Variants in KIAA1328 observed in about 807,000 individuals in gnomAD.
KIAA1328 encodes the protein KIAA1328.
A neutral mutation model predicts 68.1 loss-of-function variants in KIAA1328; 52 were observed. That is an observed-to-expected ratio of 0.76 (90% CI 0.61 to 0.96). KIAA1328 has a LOEUF of 0.96. Among genes scored for constraint, KIAA1328 ranks in the 40% least tolerant of loss-of-function variants. The probability of loss-of-function intolerance (pLI) is 0.00; values close to 1 mark genes in which losing one functional copy is unlikely to be tolerated. For missense variants in KIAA1328, 641 were observed against 677.6 expected (o/e 0.95, Z 0.60); for synonymous variants, 232 against 239.4 (o/e 0.97, Z 0.28).
At chr18:36,979,670 A>G (rs11081979) in intron 6 of KIAA1328, among the ~76,000 whole-genome samples, 3,974 of 152,306 alleles carry the variant, frequency 0.026, 66 homozygotes, top group Non-Finnish European at 0.039. Context: ...GTTTGGTAGC[A>G]ACCATAACAA....
intron 7 of KIAA1328, among the ~76,000 whole-genome samples, chr18:37,116,836 C>T (rs900733523): frequency 1.3e-5 from 2 of 152,056 alleles, no homozygotes; most frequent in Non-Finnish European, 2.9e-5. Flanking sequence ...ACAACTCCAT[C>T]AAAAGTGGGT....
At chr18:37,168,992 G>C (rs1013170994) in intron 8 of KIAA1328, among the ~76,000 whole-genome samples, 1 of 151,750 alleles carries the variant, frequency 6.6e-6, no homozygotes, top group Non-Finnish European at 1.5e-5. Context: ...ATCTAAATAG[G>C]ACATGATCCA....
chr18:37,092,873 T>C (rs1568393659), intron 7 of KIAA1328, among the ~76,000 whole-genome samples: 1 of 152,134 alleles, frequency 6.6e-6, no homozygotes, highest in East Asian at 1.9e-4. Flanking sequence ...AACAAGCCAC[T>C]TGGATGCTCG....
chr18:36,966,153 T>C (rs2051927150), intron 6 of KIAA1328, among the ~76,000 whole-genome samples: 1 of 152,188 alleles, frequency 6.6e-6, no homozygotes, highest in Non-Finnish European at 1.5e-5. Context: ...AAAAGGAAAC[T>C]GTGGCAATCA....
At chr18:37,194,700 G>A (rs558390730) in intron 9 of KIAA1328, among the ~76,000 whole-genome samples, 18 of 151,988 alleles carry the variant, frequency 1.2e-4, no homozygotes, top group Non-Finnish European at 2.1e-4. Context: ...AGTCTCTGTC[G>A]CCCAGGCTGG....
chr18:37,179,129 A>G (rs2059651466), intron 9 of KIAA1328, among the ~76,000 whole-genome samples: 1 of 152,172 alleles, frequency 6.6e-6, no homozygotes, highest in African/African-American at 2.4e-5. Context: ...GGCTATATCC[A>G]GGAAAGCATT....
intron 6 of KIAA1328, among the ~76,000 whole-genome samples, chr18:36,961,917 A>G (rs1435644039): frequency 6.6e-6 from 1 of 152,234 alleles, no homozygotes; most frequent in East Asian, 1.9e-4. Context: ...TTATTGGGAA[A>G]AATAACCAGT....
intron 4 of KIAA1328, among the ~76,000 whole-genome samples, chr18:36,876,601 T>G (rs2150950570): frequency 6.6e-6 from 1 of 152,320 alleles, no homozygotes; most frequent in African/African-American, 2.4e-5. Flanking sequence ...GTCTATCTAT[T>G]TTGTTAATCT....
chr18:36,901,476 A>G (rs763966116), intron 5 of KIAA1328, among the ~76,000 whole-genome samples: 1 of 152,028 alleles, frequency 6.6e-6, no homozygotes, highest in Non-Finnish European at 1.5e-5. Context: ...TGTCAGTCAG[A>G]TGTCTGGAAA....
chr18:36,987,486 A>T (rs1193629795), intron 6 of KIAA1328, among the ~76,000 whole-genome samples: 1 of 67,202 alleles, frequency 1.5e-5, no homozygotes, highest in East Asian at 4.6e-4. Flanking sequence ...AGAGTATAAT[A>T]AAAAAAAATA....
chr18:36,915,052 A>G (rs996772784), intron 5 of KIAA1328, among the ~76,000 whole-genome samples: 2 of 152,224 alleles, frequency 1.3e-5, no homozygotes, highest in African/African-American at 4.8e-5. Context: ...TAAAATCTTT[A>G]TGGAAAGTTA....
At chr18:36,917,070 C>T (rs1376490692) in intron 5 of KIAA1328, among the ~76,000 whole-genome samples, 1 of 152,068 alleles carries the variant, frequency 6.6e-6, no homozygotes, top group Non-Finnish European at 1.5e-5. Flanking sequence ...AATAAAAAAT[C>T]CCTGCTCATA....
At chr18:37,129,888 A>G (rs2058481879) in intron 7 of KIAA1328, among the ~76,000 whole-genome samples, 1 of 152,180 alleles carries the variant, frequency 6.6e-6, no homozygotes, top group Non-Finnish European at 1.5e-5. Flanking sequence ...TGGAGAACGA[A>G]TTTCTTCCTC....
chr18:37,169,605 T>C (rs2059461061), intron 8 of KIAA1328, among the ~76,000 whole-genome samples: 1 of 152,184 alleles, frequency 6.6e-6, no homozygotes, highest in Admixed American at 6.5e-5. Context: ...ATACTTAATA[T>C]TAAATAAAAT....
Position 36,834,351 on chromosome 18 carries a change from T to C in KIAA1328, c.90T>C (p.Val30=). 1 of 1,576,552 alleles carries C rather than the reference T, an allele frequency of 6.3e-7. No homozygotes were observed. Among genetic ancestry groups the C allele is most frequent in the Non-Finnish European group, 8.6e-7 (1 of 1,163,602 alleles). Reference sequence around the variant, plus strand: ...ATGAAGAACAATCAGTAGTATACGTTCCAGGTATGATTTTCTATGTTAAAA... The same window carrying C: ...ATGAAGAACAATCAGTAGTATACGTCCCAGGTATGATTTTCTATGTTAAAA... ...FSDEEQSVVY[V]PGISAEGNVR... is the part of the protein sequence containing the mutation. The change falls in exon 2 of 10, where the codon GTT becomes GTC. Residue 30 remains valine, a synonymous_variant. Coordinates refer to ENST00000280020, the MANE Select transcript of KIAA1328 (RefSeq NM_020776.3).
chr18:36,918,797 C>A lies in KIAA1328; in HGVS notation c.448+33125C>A, dbSNP rs556646300. On this transcript the variant is annotated intron_variant, in intron 5 of 9. Coordinates refer to ENST00000280020, the MANE Select transcript of KIAA1328 (RefSeq NM_020776.3). ...GCTGTATCTCACAAATTATGAAGTACTATATTTGCATTATCATTCAGTTTA... is the reference window on the plus strand; with the variant it reads ...GCTGTATCTCACAAATTATGAAGTAATATATTTGCATTATCATTCAGTTTA... Among the ~76,000 whole-genome samples the A allele has an allele frequency of 2.0e-5, 3 of 152,254 alleles. No individual in the cohort carries two copies. In the South Asian group the frequency reaches 6.2e-4, roughly 32 times the overall value.
intron 6 of KIAA1328, among the ~76,000 whole-genome samples, chr18:37,041,659 T>A (rs1173297293): frequency 6.6e-6 from 1 of 151,776 alleles, no homozygotes; most frequent in Non-Finnish European, 1.5e-5. Flanking sequence ...TGTGTGTGTG[T>A]GTGTGTGTGT....
At chr18:37,083,831 T>C (rs1011265870) in intron 7 of KIAA1328, among the ~76,000 whole-genome samples, 1 of 152,186 alleles carries the variant, frequency 6.6e-6, no homozygotes, top group Non-Finnish European at 1.5e-5. Context: ...AGAATTAACT[T>C]TCTGCGGCAG....
rs1168902958 is a variant in KIAA1328, at chr18:37,225,253, G to T, written c.*3026G>T. 61 of 985,276 alleles carry T rather than the reference G, an allele frequency of 6.2e-5. No individual in the cohort carries two copies. Among genetic ancestry groups the T allele is most frequent in the Non-Finnish European group, 7.2e-5 (60 of 829,900 alleles). 61.0% of individuals were successfully genotyped at this position (985,276 alleles called of 1,614,324 possible). On this transcript the variant is annotated 3_prime_UTR_variant, in exon 10 of 10. Coordinates refer to ENST00000280020, the MANE Select transcript of KIAA1328 (RefSeq NM_020776.3). Reference sequence around the variant, plus strand: ...CAACTCACGATTTATCCTCAGCTCAGAGTGTATTTTGAATATGAGCAAATG... The same window carrying T: ...CAACTCACGATTTATCCTCAGCTCATAGTGTATTTTGAATATGAGCAAATG...
Sources: allele counts gnomAD v4.1 joint callset (sites outside exome capture counted in the v4.1 genomes callset), GRCh38; gene constraint gnomAD v4.1.1; transcripts MANE v1.5; gene names NCBI Gene and HGNC (gene_info 2026-07-23, HGNC 2026-07-21).